The following CGNL1 variants were observed in gnomAD, a reference collection of about 807,000 sequenced individuals.
The protein encoded by CGNL1 is cingulin-like protein 1.
CGNL1 carries 132 observed loss-of-function variants against 141.2 expected under a neutral mutation model. The ratio of observed to expected loss-of-function variants is 0.93; its 90% CI spans 0.81 to 1.08. CGNL1 has a LOEUF of 1.08. Ranked by LOEUF, CGNL1 falls within the 50% of genes least tolerant of loss-of-function variation. CGNL1 has a pLI of 0.00. For missense variants in CGNL1, 1,870 were observed against 1,588.6 expected, an observed-to-expected ratio of 1.18 and a Z score of -3.01; for synonymous variants, 690 against 622.1, an observed-to-expected ratio of 1.11 and a Z score of -1.63.
intron 7 of CGNL1, among the ~76,000 whole-genome samples, chr15:57,454,973 G>A (rs1291593214): frequency 1.3e-5 from 2 of 152,006 alleles, no homozygotes; most frequent in Non-Finnish European, 2.9e-5. Context: ...TATAATCTCT[G>A]TTTGCCTCCC....
chr15:57,435,326 C>A (rs1313842140), intron 1 of CGNL1, among the ~76,000 whole-genome samples: 5 of 150,926 alleles, frequency 3.3e-5, no homozygotes, highest in African/African-American at 1.2e-4. Flanking sequence ...TATGTAGAAC[C>A]AATAAGTTAA....
chr15:57,547,364 G>A lies in CGNL1; in HGVS notation c.3783G>A (p.Lys1261=). Residue 1261 remains lysine (K), a synonymous_variant, in exon 19 of 19, where the codon AAG becomes AAA. Coordinates refer to ENST00000281282, the MANE Select transcript of CGNL1 (RefSeq NM_032866.5). ...CTTGTCATTTCAGCAGACTGAAGAAGCTGCCGAGTAAAGTGCTGGATGACA... is the reference window on the plus strand; with the variant it reads ...CTTGTCATTTCAGCAGACTGAAGAAACTGCCGAGTAAAGTGCTGGATGACA... ...NSMKKDLRLK[K]LPSKVLDDMD... The A allele has an allele frequency of 6.2e-7, 1 of 1,614,176 alleles. No homozygotes were observed. Among genetic ancestry groups the A allele is most frequent in the Non-Finnish European group, 8.5e-7 (1 of 1,180,008 alleles).
At chr15:57,535,035 C>T (rs758196479) in intron 14 of CGNL1, among the ~76,000 whole-genome samples, 1 of 152,206 alleles carries the variant, frequency 6.6e-6, no homozygotes, top group Non-Finnish European at 1.5e-5. Flanking sequence ...TGGCCAACCC[C>T]TCTCATAGAC....
At chr15:57,387,569 C>T (rs1260875864) in intron 1 of CGNL1, among the ~76,000 whole-genome samples, 4 of 152,118 alleles carry the variant, frequency 2.6e-5, no homozygotes, top group South Asian at 2.1e-4. Flanking sequence ...CACATAGGGG[C>T]CCTGAGTGGT....
At chr15:57,419,802 T>G (rs530112873) in intron 1 of CGNL1, among the ~76,000 whole-genome samples, 1 of 152,348 alleles carries the variant, frequency 6.6e-6, no homozygotes, top group African/African-American at 2.4e-5. Flanking sequence ...CCCCTCTTTC[T>G]ATACTCTAGC....
At chr15:57,528,573 G>T (rs1278023604) in intron 12 of CGNL1, 81 bp from the exon 13 acceptor site, 4 of 1,425,926 alleles carry the variant, frequency 2.8e-6, no homozygotes, top group Non-Finnish European at 3.9e-6. Flanking sequence ...CTTTTGGTGG[G>T]GTCAGCCTGT....
intron 8 of CGNL1, among the ~76,000 whole-genome samples, chr15:57,483,244 G>T (rs1314167479): frequency 6.6e-6 from 1 of 152,070 alleles, no homozygotes; most frequent in Non-Finnish European, 1.5e-5. Context: ...TTCATCATTT[G>T]ATTTTGTATT....
At chr15:57,531,807 G>A in intron 14 of CGNL1, 28 bp downstream of exon 14, 1 of 1,377,756 alleles carries the variant, frequency 7.3e-7, no homozygotes, top group African/African-American at 1.4e-5. Flanking sequence ...AATGATGCGT[G>A]GATTGTCCTG....
At chr15:57,490,717 AG>A (rs1378153138) in intron 8 of CGNL1, among the ~76,000 whole-genome samples, 7 of 152,214 alleles carry the variant, frequency 4.6e-5, no homozygotes, top group Admixed American at 3.9e-4. Context: ...AATTCCTTCC[AG>A]AGTGTACAGG....
intron 8 of CGNL1, among the ~76,000 whole-genome samples, chr15:57,504,062 A>G (rs1339019223): frequency 6.6e-6 from 1 of 152,092 alleles, no homozygotes; most frequent in African/African-American, 2.4e-5. Flanking sequence ...CTTCCAGTTT[A>G]CAGAGCAGGA....
chr15:57,523,348 C>G lies in CGNL1; in HGVS notation c.2716-141C>G, dbSNP rs2031393256. ...AACAATGCCCTTCTATCTCTGACAG[C>G]TTTATTTTGATCTTCTTCCTCATCA... is the stretch of plus-strand genomic sequence containing the variant. On this transcript the variant is annotated intron_variant, in intron 10 of 18. Transcript: ENST00000281282. 7 of 714,916 alleles carry G rather than the reference C, an allele frequency of 9.8e-6. 1 individual carries two copies. In the South Asian group the frequency reaches 1.5e-4, roughly 16 times the overall value. The allele number at this position is 714,916 out of a possible 1,614,324, so 44.3% of individuals were successfully genotyped here.
intron 1 of CGNL1, among the ~76,000 whole-genome samples, chr15:57,412,093 A>G (rs2062795382): frequency 6.6e-6 from 1 of 152,176 alleles, no homozygotes; most frequent in Non-Finnish European, 1.5e-5. Flanking sequence ...CAAGAGGGCA[A>G]CCAGCTGATG....
At chr15:57,446,885 T>C (rs2063259742) in intron 4 of CGNL1, among the ~76,000 whole-genome samples, 1 of 152,206 alleles carries the variant, frequency 6.6e-6, no homozygotes, top group Non-Finnish European at 1.5e-5. Flanking sequence ...TCCATTACTT[T>C]GGTCTACTTG....
At chr15:57,528,870 A>G (rs1306489830) in intron 13 of CGNL1, 55 bp downstream of exon 13, 2 of 1,564,272 alleles carry the variant, frequency 1.3e-6, no homozygotes, top group Non-Finnish European at 1.7e-6. Flanking sequence ...AGGCTGGGCC[A>G]CGAGAGAAGC....
At chr15:57,381,887 A>G (rs1199505932) in intron 1 of CGNL1, among the ~76,000 whole-genome samples, 1 of 152,218 alleles carries the variant, frequency 6.6e-6, no homozygotes, top group Non-Finnish European at 1.5e-5. Context: ...AGGGAAATTT[A>G]TGGACTGCTG....
Position 57,463,749 on chromosome 15 carries a change from A to G in CGNL1, c.2403+1857A>G, listed in dbSNP as rs187119995. 4.4e-3 allele frequency among the ~76,000 whole-genome samples: 672 copies of G among 152,338 alleles called. 1 individual carries two copies. The highest frequency in any genetic ancestry group is 0.015 in the African/African-American group (636 of 41,580). On this transcript the variant is annotated intron_variant, in intron 8 of 18. Coordinates refer to ENST00000281282, the MANE Select transcript of CGNL1 (RefSeq NM_032866.5). ...TAGGGAAGAAGTCCCTTCTCTGCCT[A>G]ACCCATCTCCAGAAAACTCTGTGTC...
Position 57,528,683 on chromosome 15 carries a change from C to T in CGNL1, c.3069C>T (p.Asp1023=), listed in dbSNP as rs1308323573. 6.2e-7 allele frequency: 1 copy of T among 1,614,156 alleles called. No homozygotes were observed. Among genetic ancestry groups the T allele is most frequent in the Admixed American group, 1.7e-5 (1 of 60,026 alleles). The change falls in exon 13 of 19, where the codon GAC becomes GAT. Residue 1023 remains aspartate (D), a synonymous_variant. Coordinates refer to ENST00000281282, the MANE Select transcript of CGNL1 (RefSeq NM_032866.5). The stretch of plus-strand genomic sequence containing the variant: ...GTCTGATGGAGGAAGAGTTACGGGA[C>T]TACCAGAGAGCTCAGGATGAAGCAC... ...EMRLMEEELR[D]YQRAQDEALT... is the part of the protein sequence containing the mutation.
chr15:57,498,070 C>T (rs2063967594), intron 8 of CGNL1, among the ~76,000 whole-genome samples: 1 of 152,122 alleles, frequency 6.6e-6, no homozygotes, highest in African/African-American at 2.4e-5. Context: ...TCCCTTCCCT[C>T]TGTGTGTGGC....
Position 57,461,986 on chromosome 15 carries a change from A to G in CGNL1, c.2403+94A>G, listed in dbSNP as rs182428744. 3.3e-4 allele frequency: 300 copies of G among 903,368 alleles called. 1 individual carries two copies. The African/African-American group carries it at 4.2e-3, about 13-fold the overall frequency. 56.0% of individuals were successfully genotyped at this position (903,368 alleles called of 1,614,324 possible). On this transcript the variant is annotated intron_variant, in intron 8 of 18. Coordinates refer to ENST00000281282, the MANE Select transcript of CGNL1 (RefSeq NM_032866.5). ...CTGCAAATCCCCTTCATTCCTTTTA[A>G]TTAGAGAGTGAATCTCAATTCATCA...
Sources: gnomAD v4.1 joint callset for allele counts (sites outside exome capture counted in the v4.1 genomes callset) on GRCh38, gnomAD v4.1.1 for gene constraint, MANE v1.5 for transcripts, NCBI Gene and HGNC (gene_info 2026-07-23, HGNC 2026-07-21) for gene names.